Variants in LONRF2 observed in about 807,000 individuals in gnomAD.
The protein encoded by LONRF2 is LON peptidase N-terminal domain and RING finger protein 2.
In LONRF2, 35 loss-of-function variants were observed where a neutral mutation model predicts 66.6. The ratio of observed to expected loss-of-function variants is 0.53; its 90% confidence interval spans 0.40 to 0.70. The LOEUF (loss-of-function observed/expected upper bound fraction) is 0.70. Among genes scored for constraint, LONRF2 ranks in the 30% least tolerant of loss-of-function variants. LONRF2 has a pLI of 0.00. For missense variants in LONRF2, 902 were observed against 1,002.1 expected (o/e 0.90, Z 1.35); for synonymous variants, 417 against 418.1 (o/e 1.00, Z 0.03).
intron 3 of LONRF2, among the ~76,000 whole-genome samples, chr2:100,301,498 C>T (rs535699430): frequency 6.6e-6 from 1 of 152,220 alleles, no homozygotes; most frequent in South Asian, 2.1e-4. Context: ...AATCCATGGC[C>T]TTGCAGCAAT....
rs1319252148 is a variant in LONRF2 at position 100,295,511 on chromosome 2, C to A, written c.1519G>T (p.Glu507Ter). The A allele has an allele frequency of 6.2e-7, 1 of 1,613,686 alleles. No homozygotes were observed. Among genetic ancestry groups the A allele is most frequent in the Non-Finnish European group, 8.5e-7 (1 of 1,179,802 alleles). The change falls in exon 8 of 12, where the codon GAA (glutamate) becomes TAA (stop). Residue 507 changes from glutamate (E) to a stop codon, truncating the protein, a stop_gained. Coordinates refer to ENST00000393437, the MANE Select transcript of LONRF2 (RefSeq NM_198461.4). LOFTEE classifies it high-confidence loss of function. ...TCCGGCAAATATCGAAATATTAATT[C>A]TTCGGCCAGAACAGTTATGTTAAAG... ...RNFNITVLAE[E>*]LIFRYLPDEL...
In LONRF2 at chr2:100,282,731, A is replaced by G. The variant is rs1401191067; in HGVS notation, c.*1567T>C. On this transcript the variant is annotated 3_prime_UTR_variant, in exon 12 of 12. Coordinates refer to ENST00000393437, the MANE Select transcript of LONRF2 (RefSeq NM_198461.4). ...GGCACTTGAAACATTGGATTGGAAA[A>G]TACTTTCACATTTTCTCTTTACAAT... is the stretch of plus-strand genomic sequence containing the variant. The G allele has an allele frequency of 6.6e-6, 1 of 152,240 alleles. No individual in the cohort carries two copies. Among genetic ancestry groups the G allele is most frequent in the Non-Finnish European group, 1.5e-5 (1 of 68,054 alleles). The allele number at this position is 152,240 out of a possible 1,614,324, so 9.4% of individuals were successfully genotyped here. A position where few individuals can be genotyped will look rare whatever the true frequency, so the allele number is the denominator to read the frequency against.
intron 9 of LONRF2, among the ~76,000 whole-genome samples, chr2:100,290,893 G>A (rs1302505015): frequency 2.6e-5 from 4 of 152,174 alleles, no homozygotes; most frequent in East Asian, 1.9e-4. Flanking sequence ...AGCAACACAC[G>A]GAGCAGTTTA....
intron 10 of LONRF2, among the ~76,000 whole-genome samples, chr2:100,287,276 CATAAT>C (rs1474272083): frequency 8.5e-5 from 13 of 152,064 alleles, no homozygotes; most frequent in African/African-American, 3.1e-4. Flanking sequence ...CTCTTAATAC[CATAAT>C]ATAAGCACAT....
In LONRF2 at chr2:100,276,507, A is replaced by G. The variant is rs1177381928; in HGVS notation, c.*7791T>C. 6.6e-6 allele frequency: 1 copy of G among 152,214 alleles called. No homozygotes were observed. The highest frequency in any genetic ancestry group is 2.4e-5 in the African/African-American group (1 of 41,434). The allele number at this position is 152,214 out of a possible 1,614,324, so 9.4% of individuals were successfully genotyped here. On this transcript the variant is annotated 3_prime_UTR_variant, in exon 12 of 12. Coordinates refer to ENST00000393437, the MANE Select transcript of LONRF2 (RefSeq NM_198461.4). ...TTGGCAGTTATAAACTAGCTTGATA[A>G]AATGATGCCCCATGGACCTCCAGTT...
chr2:100,304,022 T>C (rs550400977), intron 2 of LONRF2, among the ~76,000 whole-genome samples: 1 of 152,322 alleles, frequency 6.6e-6, no homozygotes, highest in East Asian at 1.9e-4. Flanking sequence ...TTCTGTTTTT[T>C]GCATTGAATA....
chr2:100,308,882 A>G (rs190076078), intron 2 of LONRF2, among the ~76,000 whole-genome samples: 1 of 152,306 alleles, frequency 6.6e-6, no homozygotes, highest in Admixed American at 6.5e-5. Context: ...CTAAATATCT[A>G]TTAAGTGTAA....
Position 100,284,279 on chromosome 2 carries a change from A to G in LONRF2, c.*19T>C, listed in dbSNP as rs1259524943. 6.7e-7 allele frequency: 1 copy of G among 1,484,726 alleles called. No homozygotes were observed. The highest frequency in any genetic ancestry group is 2.3e-5 in the Admixed American group (1 of 43,728). 92.0% of individuals were successfully genotyped at this position (1,484,726 alleles called of 1,614,324 possible). On this transcript the variant is annotated 3_prime_UTR_variant, in exon 12 of 12. Transcript: ENST00000393437. ...TATAAAAGCACAAGGGCTGCCAGAA[A>G]CCTTGACAGAGAGAAAAATCAATTA...
intron 1 of LONRF2, among the ~76,000 whole-genome samples, chr2:100,320,837 G>A (rs145889824): frequency 1.1e-4 from 17 of 152,240 alleles, no homozygotes; most frequent in East Asian, 5.8e-4. Flanking sequence ...ATGACTGAAT[G>A]AACAATTTAA....
intron 1 of LONRF2, among the ~76,000 whole-genome samples, chr2:100,313,112 C>A (rs1675440735): frequency 6.6e-6 from 1 of 152,190 alleles, no homozygotes; most frequent in Non-Finnish European, 1.5e-5. Context: ...CAACCCAGAG[C>A]CACTGTTGTA....
chr2:100,276,426 T>C lies in LONRF2; in HGVS notation c.*7872A>G, dbSNP rs1345461156. ...TAGTACCCAACGCCCTAATATCCCA[T>C]ATTGAACACAGACACTCTAATAAAA... On this transcript the variant is annotated 3_prime_UTR_variant, in exon 12 of 12. Coordinates refer to ENST00000393437, the MANE Select transcript of LONRF2 (RefSeq NM_198461.4). The C allele has an allele frequency of 6.6e-6, 1 of 152,160 alleles. No individual in the cohort carries two copies. The highest frequency in any genetic ancestry group is 2.4e-5 in the African/African-American group (1 of 41,418). The allele number at this position is 152,160 out of a possible 1,614,324, so 9.4% of individuals were successfully genotyped here.
In LONRF2 at chr2:100,309,527, A is replaced by G. The variant is rs1392873183; in HGVS notation, c.680-302T>C. ...CACTGAGTATTCCTACACACACACG[A>G]GCTACATCATCTCCAATAATAAATT... is the stretch of plus-strand genomic sequence containing the variant. On this transcript the variant is annotated intron_variant, in intron 1 of 11. Coordinates refer to ENST00000393437, the MANE Select transcript of LONRF2 (RefSeq NM_198461.4). 2.4e-5 allele frequency: 4 copies of G among 169,190 alleles called. No homozygotes were observed. The Admixed American group carries it at 2.5e-4, about 11-fold the overall frequency. 10.5% of individuals were successfully genotyped at this position (169,190 alleles called of 1,614,324 possible).
Position 100,300,019 on chromosome 2 carries a change from A to AAGG in LONRF2, c.1066-102_1066-101insCCT, listed in dbSNP as rs770492793. ...GTACTAGAAATCTTTGGAAAAAAAA[A>AAGG]GGGGGGGGCATACACTCTTCTTCAT... On this transcript the variant is annotated intron_variant, in intron 4 of 11. Coordinates refer to ENST00000393437, the MANE Select transcript of LONRF2 (RefSeq NM_198461.4). 372 of 396,394 alleles carry AAGG rather than the reference A, an allele frequency of 9.4e-4. 2 individuals are homozygous for AAGG. The highest frequency in any genetic ancestry group is 6.7e-3 in the African/African-American group (300 of 44,892). The allele number at this position is 396,394 out of a possible 1,614,324, so 24.6% of individuals were successfully genotyped here. A position where few individuals can be genotyped will look rare whatever the true frequency, so the allele number is the denominator to read the frequency against.
rs1243082693 is a variant in LONRF2, at chr2:100,283,474, T to C, written c.*824A>G. 6.6e-6 allele frequency: 1 copy of C among 152,132 alleles called. No homozygotes were observed. The highest frequency in any genetic ancestry group is 2.4e-5 in the African/African-American group (1 of 41,426). 9.4% of individuals were successfully genotyped at this position (152,132 alleles called of 1,614,324 possible). Reference sequence around the variant, plus strand: ...TTCCTAAATGCTTAGTAACCACTGATCAATGAGACAAGGTTCTACTTTCAA... The same window carrying C: ...TTCCTAAATGCTTAGTAACCACTGACCAATGAGACAAGGTTCTACTTTCAA... On this transcript the variant is annotated 3_prime_UTR_variant, in exon 12 of 12. Coordinates refer to ENST00000393437, the MANE Select transcript of LONRF2 (RefSeq NM_198461.4).
intron 7 of LONRF2, among the ~76,000 whole-genome samples, chr2:100,297,412 C>T (rs1449670761): frequency 1.3e-5 from 2 of 152,190 alleles, no homozygotes; most frequent in Non-Finnish European, 2.9e-5. Flanking sequence ...GCTGGGATTA[C>T]AGGCGTGAGC....
rs1674658455 is a variant in LONRF2 at position 100,279,065 on chromosome 2, C to T, written c.*5233G>A. 1 of 152,022 alleles carries T rather than the reference C, an allele frequency of 6.6e-6. No homozygotes were observed. The highest frequency in any genetic ancestry group is 1.5e-5 in the Non-Finnish European group (1 of 68,044). The allele number at this position is 152,022 out of a possible 1,614,324, so 9.4% of individuals were successfully genotyped here. A position where few individuals can be genotyped will look rare whatever the true frequency, so the allele number is the denominator to read the frequency against. Reference sequence around the variant, plus strand: ...CTCCTCAACCCCTGGGGGAGGAGCACCCACCCCCGGTGCCTTCTCCTACCA... The same window carrying T: ...CTCCTCAACCCCTGGGGGAGGAGCATCCACCCCCGGTGCCTTCTCCTACCA... On this transcript the variant is annotated 3_prime_UTR_variant, in exon 12 of 12. Transcript: ENST00000393437.
At chr2:100,305,716 C>T (rs1244568749) in intron 2 of LONRF2, among the ~76,000 whole-genome samples, 1 of 152,186 alleles carries the variant, frequency 6.6e-6, no homozygotes, top group African/African-American at 2.4e-5. Context: ...GTCTCAAATA[C>T]ACTTCAGACA....
chr2:100,316,393 G>GAAATTCTA (rs1675509237), intron 1 of LONRF2, among the ~76,000 whole-genome samples: 2 of 147,960 alleles, frequency 1.4e-5, no homozygotes, highest in African/African-American at 5.0e-5. Context: ...ATAATTATTA[G>GAAATTCTA]ATAATTAGAA....
At chr2:100,320,788 G>C (rs927363268) in intron 1 of LONRF2, among the ~76,000 whole-genome samples, 1 of 152,218 alleles carries the variant, frequency 6.6e-6, no homozygotes, top group Non-Finnish European at 1.5e-5. Context: ...AGGCAGGAGA[G>C]TGCCTGTTGC....
Sources: gnomAD v4.1 joint callset for allele counts (sites outside exome capture counted in the v4.1 genomes callset) on GRCh38, gnomAD v4.1.1 for gene constraint, MANE v1.5 for transcripts, NCBI Gene and HGNC (gene_info 2026-07-23, HGNC 2026-07-21) for gene names.